LYN: variants seen among roughly 807,000 people sequenced by gnomAD.
LYN encodes LYN proto-oncogene, Src family tyrosine kinase, also known as tyrosine-protein kinase Lyn.
In LYN, 12 loss-of-function variants were observed where a neutral mutation model predicts 65.0. That is an observed-to-expected ratio of 0.18 (90% confidence interval 0.12 to 0.30). The LOEUF (loss-of-function observed/expected upper bound fraction) is 0.30. LYN is among the 10% of genes least tolerant of loss of function. The probability of loss-of-function intolerance (pLI) is 1.00; values close to 1 mark genes in which losing one functional copy is unlikely to be tolerated. For synonymous variants in LYN, 222 were observed against 221.2 expected, an observed-to-expected ratio of 1.00 and a Z score of -0.03; for missense variants, 380 against 623.2, an observed-to-expected ratio of 0.61 and a Z score of 4.16.
In LYN at chr8:56,010,286, A is replaced by G. The variant is rs1563333488; in HGVS notation, c.*176A>G. On this transcript the variant is annotated 3_prime_UTR_variant, in exon 13 of 13. Coordinates refer to ENST00000519728, the MANE Select transcript of LYN (RefSeq NM_002350.4). ...CCCTCTAAATGGGAAAGTATTCTGT[A>G]CTCTTAGATGGATTCTCCACTCAGT... 1.6e-6 allele frequency: 1 copy of G among 612,024 alleles called. No homozygotes were observed. Among genetic ancestry groups the G allele is most frequent in the East Asian group, 2.9e-5 (1 of 34,312 alleles). The allele number at this position is 612,024 out of a possible 1,614,324, so 37.9% of individuals were successfully genotyped here.
At chr8:56,002,832 G>A (rs979527511) in intron 12 of LYN, among the ~76,000 whole-genome samples, 10 of 151,972 alleles carry the variant, frequency 6.6e-5, no homozygotes, top group African/African-American at 2.2e-4. Flanking sequence ...AGTCACGAGA[G>A]TTGTATGTTA....
chr8:55,966,627 C>G, intron 8 of LYN, 88 bp from the exon 9 acceptor site: 1 of 1,221,078 alleles, frequency 8.2e-7, no homozygotes, highest in Admixed American at 2.5e-5. Context: ...CTCGACCTCC[C>G]AAAGTGCTGG....
intron 12 of LYN, among the ~76,000 whole-genome samples, chr8:56,009,417 A>C (rs1585689972): frequency 6.6e-6 from 1 of 152,228 alleles, no homozygotes; most frequent in African/African-American, 2.4e-5. Flanking sequence ...TGCCATAACA[A>C]TACAACACAC....
At chr8:56,002,568 G>A (rs1808546485) in intron 12 of LYN, among the ~76,000 whole-genome samples, 1 of 151,322 alleles carries the variant, frequency 6.6e-6, no homozygotes, top group African/African-American at 2.4e-5. Context: ...CACCACTGCA[G>A]TCTAGCCTGA....
At position 55,997,934 on chromosome 8, in the gene LYN, A is replaced by AG. The variant is rs373963923; in HGVS notation, c.1051-412_1051-411insG. ...CCCGTCTCTACTAAAAATACAAAAA[A>AG]TTAGCCGGGCATGGTGGTGGGTGCC... is the stretch of plus-strand genomic sequence containing the variant. On this transcript the variant is annotated intron_variant, in intron 10 of 12. Transcript: ENST00000519728. Among the ~76,000 whole-genome samples the AG allele has an allele frequency of 2.5e-3, 387 of 152,164 alleles. 2 individuals are homozygous for AG. Among genetic ancestry groups the AG allele is most frequent in the African/African-American group, 8.9e-3 (369 of 41,492 alleles).
chr8:55,952,908 A>G (rs1235027218), intron 7 of LYN, among the ~76,000 whole-genome samples: 1 of 152,162 alleles, frequency 6.6e-6, no homozygotes, highest in African/African-American at 2.4e-5. Flanking sequence ...TGCAGTCCTG[A>G]GAAGCCTGGG....
At chr8:56,003,722 A>G (rs1808596112) in intron 12 of LYN, among the ~76,000 whole-genome samples, 1 of 151,966 alleles carries the variant, frequency 6.6e-6, no homozygotes, top group Admixed American at 6.6e-5. Context: ...TTTGTAAAAT[A>G]AAAAGGAAAT....
At chr8:55,979,789 C>T (rs1204052497) in intron 10 of LYN, among the ~76,000 whole-genome samples, 1 of 152,208 alleles carries the variant, frequency 6.6e-6, no homozygotes, top group Non-Finnish European at 1.5e-5. Context: ...AAGGCAGCTC[C>T]TCTCTGCCAA....
chr8:56,005,407 G>T (rs1808644269), intron 12 of LYN, among the ~76,000 whole-genome samples: 2 of 152,182 alleles, frequency 1.3e-5, no homozygotes, highest in African/African-American at 2.4e-5. Context: ...TCCAGCATTT[G>T]CCTGGGCACT....
chr8:55,997,136 T>G (rs931325834), intron 10 of LYN, among the ~76,000 whole-genome samples: 9 of 136,888 alleles, frequency 6.6e-5, no homozygotes, highest in African/African-American at 1.7e-4. Flanking sequence ...CACTCCAGCC[T>G]GGGGGAGACA....
chr8:55,984,467 C>G (rs1262547303), intron 10 of LYN, among the ~76,000 whole-genome samples: 2 of 152,232 alleles, frequency 1.3e-5, no homozygotes, highest in Non-Finnish European at 2.9e-5. Context: ...CACCTCTGTC[C>G]TTGGAGCTGT....
At chr8:55,902,603 C>CAAA in intron 1 of LYN, 1 of 303,408 alleles carries the variant, frequency 3.3e-6, no homozygotes, top group South Asian at 2.8e-5. Context: ...ATATAGCATA[C>CAAA]AAAAAAAAAA....
At chr8:55,916,599 A>G (rs1181315067) in intron 1 of LYN, among the ~76,000 whole-genome samples, 2 of 152,212 alleles carry the variant, frequency 1.3e-5, no homozygotes, top group Non-Finnish European at 2.9e-5. Context: ...TGAGTGCCAG[A>G]TGTGAAGGAA....
chr8:55,888,482 A>G (rs1804863927), intron 1 of LYN, among the ~76,000 whole-genome samples: 1 of 152,216 alleles, frequency 6.6e-6, no homozygotes, highest in South Asian at 2.1e-4. Flanking sequence ...CTCTTTTACA[A>G]TATGGCATTT....
intron 1 of LYN, among the ~76,000 whole-genome samples, chr8:55,911,416 C>T (rs1805635268): frequency 6.8e-6 from 1 of 147,788 alleles, no homozygotes; most frequent in Non-Finnish European, 1.5e-5. Context: ...GCCACCGCAC[C>T]CAACCGGTTT....
intron 10 of LYN, among the ~76,000 whole-genome samples, chr8:55,987,210 C>A (rs529902430): frequency 7.9e-5 from 12 of 151,888 alleles, no homozygotes; most frequent in African/African-American, 2.7e-4. Context: ...ATCAGGAGTT[C>A]GAGACCACAC....
At chr8:55,987,698 G>T (rs1018274697) in intron 10 of LYN, among the ~76,000 whole-genome samples, 1 of 152,120 alleles carries the variant, frequency 6.6e-6, no homozygotes, top group African/African-American at 2.4e-5. Flanking sequence ...TTATAGGCAT[G>T]AGCCACCATG....
At chr8:55,911,732 T>C (rs924100115) in intron 1 of LYN, among the ~76,000 whole-genome samples, 3 of 151,982 alleles carry the variant, frequency 2.0e-5, no homozygotes, top group Non-Finnish European at 4.4e-5. Context: ...GACATGAGAT[T>C]GGGGATAGGT....
chr8:55,907,595 A>C (rs1805464143), intron 1 of LYN, among the ~76,000 whole-genome samples: 1 of 152,150 alleles, frequency 6.6e-6, no homozygotes, highest in Non-Finnish European at 1.5e-5. Context: ...AGTTGGGCAT[A>C]GTGGCTCACG....
Sources: allele counts gnomAD v4.1 joint callset (sites outside exome capture counted in the v4.1 genomes callset), GRCh38; gene constraint gnomAD v4.1.1; transcripts MANE v1.5; gene names NCBI Gene and HGNC (gene_info 2026-07-23, HGNC 2026-07-21).